The following DMD variants were observed in gnomAD, a reference collection of about 807,000 sequenced individuals.
The protein encoded by DMD is mutant dystrophin.
DMD carries 63 observed loss-of-function variants against 330.1 expected under a neutral mutation model. The observed-to-expected ratio is 0.19, with a 90% CI of 0.16 to 0.24. The LOEUF (loss-of-function observed/expected upper bound fraction) is 0.24, where lower values mean the gene tolerates loss of function less well. Ranked by LOEUF, DMD falls within the 10% of genes least tolerant of loss-of-function variation. The pLI, the probability that DMD is intolerant of heterozygous loss-of-function variation, is 1.00. For missense variants in DMD, 3,344 were observed against 2,684.1 expected (o/e 1.25, Z -5.43); for synonymous variants, 1,223 against 959.8 (o/e 1.27, Z -5.07).
chrX:32,692,207 A>G (rs1432650532), intron 9 of DMD, among the ~76,000 whole-genome samples: 1 of 112,403 alleles, frequency 8.9e-6, no homozygotes, highest in East Asian at 2.8e-4. Flanking sequence ...ATAAGAGTGT[A>G]ACTGTTGAAA....
intron 43 of DMD, among the ~76,000 whole-genome samples, chrX:32,232,287 C>T (rs1358550826): frequency 1.8e-5 from 2 of 111,884 alleles, no homozygotes; most frequent in Non-Finnish European, 3.8e-5. Context: ...AATTTCAAGG[C>T]AGATTTCAGT....
intron 52 of DMD, among the ~76,000 whole-genome samples, chrX:31,712,672 T>C (rs1428058547): frequency 9.0e-6 from 1 of 111,477 alleles, no homozygotes; most frequent in African/African-American, 3.3e-5. Context: ...CCTTTCCTTT[T>C]TTCTTAAATT....
intron 44 of DMD, among the ~76,000 whole-genome samples, chrX:31,998,306 A>G (rs1284815610): frequency 8.9e-6 from 1 of 111,738 alleles, no homozygotes; most frequent in African/African-American, 3.2e-5. Context: ...GAGCTTCCCT[A>G]GTAGAACAAA....
chrX:33,223,002 C>G (rs1326316171), intron 1 of DMD, among the ~76,000 whole-genome samples: 1 of 111,860 alleles, frequency 8.9e-6, no homozygotes, highest in African/African-American at 3.3e-5. Flanking sequence ...GGCAAGAAAC[C>G]TTGAATAGCC....
At chrX:33,070,673 C>CTCTCTA (rs1192910156) in intron 1 of DMD, among the ~76,000 whole-genome samples, 4 of 35,638 alleles carry the variant, frequency 1.1e-4, no homozygotes, top group African/African-American at 2.6e-4. Context: ...CTCTCTCTCT[C>CTCTCTA]TATATATATA....
At chrX:31,899,528 A>G (rs899180496) in intron 47 of DMD, among the ~76,000 whole-genome samples, 1 of 111,560 alleles carries the variant, frequency 9.0e-6, no homozygotes, top group African/African-American at 3.3e-5. Flanking sequence ...TAACGTAGAA[A>G]CAAAGGGTAA....
chrX:31,939,743 A>G (rs1437712928), intron 45 of DMD, among the ~76,000 whole-genome samples: 1 of 111,749 alleles, frequency 8.9e-6, no homozygotes, highest in Non-Finnish European at 1.9e-5. Context: ...TAATCCTAGA[A>G]TTGTGTCTAA....
intron 41 of DMD, among the ~76,000 whole-genome samples, chrX:32,334,393 T>C (rs767528148): frequency 4.3e-4 from 48 of 112,067 alleles, no homozygotes; most frequent in African/African-American, 1.6e-3. Context: ...CAGCTGACAA[T>C]CTTTGTTGTT....
At position 32,545,122 on chromosome X, in the gene DMD, C is replaced by T. The variant is rs773448741; in HGVS notation, c.2168+37G>A. On this transcript the variant is annotated intron_variant, in intron 17 of 78. Coordinates refer to ENST00000357033, the MANE Select transcript of DMD (RefSeq NM_004006.3). ...AAAACTGCTGTAAATGAGTTTTCTC[C>T]ACTTCATTTGCAGATAAAAGCTTAA... is the stretch of plus-strand genomic sequence containing the variant. 5.9e-6 allele frequency: 7 copies of T among 1,178,509 alleles called. No individual in the cohort carries two copies. The East Asian group carries it at 2.1e-4, about 35-fold the overall frequency.
intron 52 of DMD, among the ~76,000 whole-genome samples, chrX:31,700,764 G>C (rs1004427517): frequency 9.0e-6 from 1 of 111,656 alleles, no homozygotes; most frequent in Admixed American, 9.5e-5. Flanking sequence ...TTCTCTTTTG[G>C]GGGTGTTGGA....
intron 62 of DMD, among the ~76,000 whole-genome samples, chrX:31,277,393 C>T (rs770880716): frequency 4.5e-5 from 5 of 111,538 alleles, no homozygotes; most frequent in Admixed American, 3.8e-4. Context: ...TTGGTTGTGG[C>T]CTTTGTAGAT....
chrX:33,213,384 A>C (rs765868087), upstream of DMD, among the ~76,000 whole-genome samples: 1 of 111,804 alleles, frequency 8.9e-6, no homozygotes, highest in East Asian at 2.8e-4. Context: ...TTCCCTTAAG[A>C]TTTTATAATC....
chrX:32,861,134 T>C (rs1427402178), intron 2 of DMD, among the ~76,000 whole-genome samples: 1 of 111,984 alleles, frequency 8.9e-6, no homozygotes, highest in Non-Finnish European at 1.9e-5. Flanking sequence ...CATGTATCAT[T>C]ACCTATGTTG....
intron 44 of DMD, among the ~76,000 whole-genome samples, chrX:32,215,094 T>A (rs1307703073): frequency 9.0e-6 from 1 of 111,395 alleles, no homozygotes. Flanking sequence ...ATGTCTGATG[T>A]TAAAAATATA....
chrX:32,908,373 C>G (rs1420660001), intron 2 of DMD, among the ~76,000 whole-genome samples: 1 of 111,832 alleles, frequency 8.9e-6, no homozygotes, highest in African/African-American at 3.2e-5. Flanking sequence ...AATCAAATGT[C>G]TACAATTTCC....
chrX:32,386,485 A>G lies in DMD; in HGVS notation c.4519-20T>C. 1 of 1,149,442 alleles carries G rather than the reference A, an allele frequency of 8.7e-7. No individual in the cohort carries two copies. The highest frequency in any genetic ancestry group is 1.2e-6 in the Non-Finnish European group (1 of 841,266). The allele number at this position is 1,149,442 out of a possible 1,213,427, so 94.7% of individuals were successfully genotyped here. A position where few individuals can be genotyped will look rare whatever the true frequency, so the allele number is the denominator to read the frequency against. Reference sequence around the variant, plus strand: ...CAAGTTCTAAGTTTAAACATAAAACAAAACATGATAATCAGTAGAGTTAAA... The same window carrying G: ...CAAGTTCTAAGTTTAAACATAAAACGAAACATGATAATCAGTAGAGTTAAA... On this transcript the variant is annotated intron_variant, in intron 32 of 78. Coordinates refer to ENST00000357033, the MANE Select transcript of DMD (RefSeq NM_004006.3).
chrX:31,238,805 C>G (rs1289176771), intron 63 of DMD, among the ~76,000 whole-genome samples: 2 of 111,405 alleles, frequency 1.8e-5, no homozygotes, highest in Non-Finnish European at 3.8e-5. Context: ...ACCATGATAC[C>G]GGGCAAGGAG....
At chrX:32,754,635 G>A (rs1361707117) in intron 7 of DMD, among the ~76,000 whole-genome samples, 1 of 110,454 alleles carries the variant, frequency 9.1e-6, no homozygotes, top group Non-Finnish European at 1.9e-5. Flanking sequence ...CTTTTCTGAA[G>A]AACAAGCTAT....
chrX:31,294,167 A>C (rs1456134845), intron 62 of DMD, among the ~76,000 whole-genome samples: 3 of 112,152 alleles, frequency 2.7e-5, no homozygotes, highest in Non-Finnish European at 3.8e-5. Flanking sequence ...AACAGAACAA[A>C]CACACAGCTT....
Sources: allele counts gnomAD v4.1 joint callset (sites outside exome capture counted in the v4.1 genomes callset), GRCh38; gene constraint gnomAD v4.1.1; transcripts MANE v1.5; gene names NCBI Gene and HGNC (gene_info 2026-07-23, HGNC 2026-07-21).